Variants in CCNG2 observed in about 807,000 individuals in gnomAD.
The protein encoded by CCNG2 is cyclin-G2.
A neutral mutation model predicts 36.5 loss-of-function variants in CCNG2; 20 were observed. The observed-to-expected ratio is 0.55, with a 90% CI of 0.39 to 0.80. CCNG2 has a LOEUF of 0.80. Among genes scored for constraint, CCNG2 ranks in the 30% least tolerant of loss-of-function variants. CCNG2 has a pLI of 0.00. For synonymous variants in CCNG2, 155 were observed against 140.1 expected (o/e 1.11, Z -0.75); for missense variants, 358 against 390.8 (o/e 0.92, Z 0.71).
chr4:77,160,678 CAA>C, intron 3 of CCNG2, 41 bp from the exon 4 acceptor site: 1 of 1,592,418 alleles, frequency 6.3e-7, no homozygotes, highest in Non-Finnish European at 8.5e-7. Context: ...TCTGCTAAGT[CAA>C]AGTGACAGTT....
intron 6 of CCNG2, among the ~76,000 whole-genome samples, chr4:77,163,513 A>G (rs1731541532): frequency 6.6e-6 from 1 of 152,228 alleles, no homozygotes; most frequent in Non-Finnish European, 1.5e-5. Flanking sequence ...TGGTGAAAAT[A>G]TGTGCATGTG....
rs1731338550 is a variant in CCNG2, at chr4:77,158,587, G to C, written c.55G>C (p.Gly19Arg). Reference sequence around the variant, plus strand: ...AGGTCATGAAGGGGTCCAACTTCTCGGGTTGTTGAACGTCTACCTGGAACA... The same window carrying C: ...AGGTCATGAAGGGGTCCAACTTCTCCGGTTGTTGAACGTCTACCTGGAACA... ...LAGHEGVQLL[G>R]LLNVYLEQEE... The change falls in exon 2 of 8, where the codon GGG (glycine) becomes CGG (arginine). Residue 19 changes from glycine (G) to arginine (R), a missense_variant. Coordinates refer to ENST00000316355, the MANE Select transcript of CCNG2 (RefSeq NM_004354.3). The C allele has an allele frequency of 1.2e-6, 2 of 1,613,996 alleles. No individual in the cohort carries two copies. The highest frequency in any genetic ancestry group is 1.7e-5 in the Admixed American group (1 of 59,990).
chr4:77,163,358 A>C (rs1731538037), intron 6 of CCNG2, among the ~76,000 whole-genome samples: 1 of 152,220 alleles, frequency 6.6e-6, no homozygotes, highest in African/African-American at 2.4e-5. Context: ...ATCCAATATA[A>C]TGAAAATTGA....
Position 77,160,796 on chromosome 4 carries a change from A to G in CCNG2, c.352A>G (p.Asn118Asp), listed in dbSNP as rs757187105. The G allele has an allele frequency of 6.2e-6, 10 of 1,613,986 alleles. No individual in the cohort carries two copies. The highest frequency in any genetic ancestry group is 7.6e-6 in the Non-Finnish European group (9 of 1,179,876). ...TGCTAGAATAGTTGAAGAAGACTGC[A>G]ATATTCCATCCACTCATGATGTGAT... ...LAARIVEEDC[N>D]IPSTHDVIRI... The change falls in exon 4 of 8, where the codon AAT (asparagine) becomes GAT (aspartate). Residue 118 changes from asparagine to aspartate, a missense_variant. Transcript: ENST00000316355.
Position 77,169,010 on chromosome 4 carries a change from T to A in CCNG2, c.*3086T>A, listed in dbSNP as rs1347226926. On this transcript the variant is annotated 3_prime_UTR_variant, in exon 8 of 8. Coordinates refer to ENST00000316355, the MANE Select transcript of CCNG2 (RefSeq NM_004354.3). ...CCTAGGTCCTGGGTCTTCATCTGTT[T>A]GGCTCTGCTACTGTTTCCTCCTCCC... 1 of 152,336 alleles carries A rather than the reference T, an allele frequency of 6.6e-6. No individual in the cohort carries two copies. The highest frequency in any genetic ancestry group is 1.5e-5 in the Non-Finnish European group (1 of 68,100). 9.4% of individuals were successfully genotyped at this position (152,336 alleles called of 1,614,324 possible).
chr4:77,158,430 G>A lies in CCNG2; in HGVS notation c.1-103G>A, dbSNP rs527724208. The A allele has an allele frequency of 9.6e-5, 113 of 1,175,788 alleles. No individual in the cohort carries two copies. The South Asian group carries it at 1.4e-3, about 15-fold the overall frequency. The allele number at this position is 1,175,788 out of a possible 1,614,324, so 72.8% of individuals were successfully genotyped here. ...CTTCACCCGCTCCTTGTCGGGGTGT[G>A]CTGGGGCGACCCTTGCTGGAGGTAC... On this transcript the variant is annotated intron_variant, in intron 1 of 7. Transcript: ENST00000316355.
chr4:77,157,941 GC>G, intron 1 of CCNG2, among the ~76,000 whole-genome samples: 1 of 152,050 alleles, frequency 6.6e-6, no homozygotes. Flanking sequence ...CCACCCCAGG[GC>G]TCCTGGGACG....
chr4:77,158,289 G>A (rs1413892602), intron 1 of CCNG2: 1 of 515,574 alleles, frequency 1.9e-6, no homozygotes, highest in African/African-American at 2.0e-5. Flanking sequence ...AAGAGGCCAG[G>A]GCTGGCCGGT....
rs955418545 is a variant in CCNG2 at position 77,166,679 on chromosome 4, G to A, written c.*755G>A. The A allele has an allele frequency of 6.6e-6, 1 of 152,170 alleles. No homozygotes were observed. Among genetic ancestry groups the A allele is most frequent in the African/African-American group, 2.4e-5 (1 of 41,438 alleles). 9.4% of individuals were successfully genotyped at this position (152,170 alleles called of 1,614,324 possible). On this transcript the variant is annotated 3_prime_UTR_variant, in exon 8 of 8. Transcript: ENST00000316355. ...CATGTACTTATATGAAAACAGTGCA[G>A]TAAGTTGAAAACTCAGTATCTATGG...
chr4:77,164,696 T>C (rs547330267), intron 7 of CCNG2: 1 of 470,600 alleles, frequency 2.1e-6, no homozygotes, highest in South Asian at 3.3e-5. Context: ...TTAGTTTTTT[T>C]CTTTTTTATA....
chr4:77,158,389 C>T, intron 1 of CCNG2, 144 bp from the exon 2 acceptor site: 2 of 733,366 alleles, frequency 2.7e-6, no homozygotes, highest in East Asian at 2.6e-5. Flanking sequence ...GGGGCTCTGG[C>T]GGACGTGACT....
At chr4:77,157,671 C>G (rs1008868440) in intron 1 of CCNG2, among the ~76,000 whole-genome samples, 165 bp downstream of exon 1, 8 of 152,094 alleles carry the variant, frequency 5.3e-5, no homozygotes, top group Non-Finnish European at 1.2e-4. Context: ...GAGCTGGCGC[C>G]CGCGATGGAC....
intron 6 of CCNG2, among the ~76,000 whole-genome samples, chr4:77,162,662 G>C (rs963625462): frequency 2.6e-5 from 4 of 152,090 alleles, no homozygotes; most frequent in Non-Finnish European, 5.9e-5. Context: ...GGGATTACAG[G>C]CGTGAGCCAC....
chr4:77,163,639 T>C (rs1272364956), intron 6 of CCNG2, among the ~76,000 whole-genome samples: 1 of 152,094 alleles, frequency 6.6e-6, no homozygotes, highest in Non-Finnish European at 1.5e-5. Flanking sequence ...ATTGATTCGT[T>C]GAAATAAACT....
intron 6 of CCNG2, among the ~76,000 whole-genome samples, chr4:77,163,032 G>A (rs1238056493): frequency 6.6e-6 from 1 of 152,122 alleles, no homozygotes; most frequent in African/African-American, 2.4e-5. Context: ...AATTTGTGAT[G>A]AGAGCAATAT....
chr4:77,159,504 G>A lies in CCNG2; in HGVS notation c.276G>A (p.Lys92=). 1 of 1,609,752 alleles carries A rather than the reference G, an allele frequency of 6.2e-7. No individual in the cohort carries two copies. Among genetic ancestry groups the A allele is most frequent in the Non-Finnish European group, 8.5e-7 (1 of 1,178,464 alleles). ...NILDRFLALM[K]VKPKHLSCIG... is the part of the protein sequence containing the mutation. ...TGGACAGGTTCTTGGCTCTTATGAA[G>A]GTATTTCATCATTTTTATAAATATG... The change falls in exon 3 of 8, where the codon AAG becomes AAA. Residue 92 remains lysine (K), a splice_region_variant and synonymous_variant. Transcript: ENST00000316355.
chr4:77,162,460 G>T (rs4150078), intron 6 of CCNG2, among the ~76,000 whole-genome samples: 2 of 132,166 alleles, frequency 1.5e-5, no homozygotes, highest in African/African-American at 5.7e-5. Context: ...TTGGCTCACC[G>T]CAACCTCAGC....
rs186119836 is a variant in CCNG2, at chr4:77,167,401, G to A, written c.*1477G>A. ...CTGTCATTTGACAATTGACCTCTTT[G>A]TGGGATGGACTCATTAAGTATGCTC... On this transcript the variant is annotated 3_prime_UTR_variant, in exon 8 of 8. Transcript: ENST00000316355. The A allele has an allele frequency of 6.6e-6, 1 of 152,198 alleles. No individual in the cohort carries two copies. The highest frequency in any genetic ancestry group is 1.5e-5 in the Non-Finnish European group (1 of 68,040). The allele number at this position is 152,198 out of a possible 1,614,324, so 9.4% of individuals were successfully genotyped here. A position where few individuals can be genotyped will look rare whatever the true frequency, so the allele number is the denominator to read the frequency against.
At chr4:77,160,534 G>GGGT (rs1553894301) in intron 3 of CCNG2, among the ~76,000 whole-genome samples, 187 bp from the exon 4 acceptor site, 1 of 147,914 alleles carries the variant, frequency 6.8e-6, no homozygotes, top group African/African-American at 2.5e-5. Context: ...TTTTTTTTGG[G>GGGT]GGGGGGGGGA....
Sources: allele counts gnomAD v4.1 joint callset (sites outside exome capture counted in the v4.1 genomes callset), GRCh38; gene constraint gnomAD v4.1.1; transcripts MANE v1.5; gene names NCBI Gene and HGNC (gene_info 2026-07-23, HGNC 2026-07-21).